CNGB1: variants seen among roughly 807,000 people sequenced by gnomAD.
The protein encoded by CNGB1 is cyclic nucleotide gated channel subunit beta 1.
In CNGB1, 126 loss-of-function variants were observed where a neutral mutation model predicts 151.7. The observed-to-expected ratio is 0.83, with a 90% CI of 0.72 to 0.96. The LOEUF is 0.96. Among genes scored for constraint, CNGB1 ranks in the 40% least tolerant of loss-of-function variants. The pLI is 0.00. For missense variants in CNGB1, 1,698 were observed against 1,627.0 expected, an observed-to-expected ratio of 1.04 and a Z score of -0.75; for synonymous variants, 623 against 635.1, an observed-to-expected ratio of 0.98 and a Z score of 0.29.
chr16:57,923,798 T>C (rs1173251902), intron 17 of CNGB1, among the ~76,000 whole-genome samples: 4 of 152,180 alleles, frequency 2.6e-5, no homozygotes, highest in South Asian at 4.2e-4. Flanking sequence ...TCCTGCTCCC[T>C]GTCTAAAGTC....
At chr16:57,947,873 C>A (rs1961847381) in intron 14 of CNGB1, among the ~76,000 whole-genome samples, 1 of 152,210 alleles carries the variant, frequency 6.6e-6, no homozygotes, top group African/African-American at 2.4e-5. Context: ...CTTTTATTAT[C>A]CCCCATTTTA....
At chr16:57,965,594 C>T (rs1165974745) in intron 2 of CNGB1, among the ~76,000 whole-genome samples, 2 of 152,124 alleles carry the variant, frequency 1.3e-5, no homozygotes, top group Non-Finnish European at 1.5e-5. Flanking sequence ...TATACATGAA[C>T]ATCCATGCAC....
chr16:57,940,076 C>A (rs1175837081), intron 15 of CNGB1, among the ~76,000 whole-genome samples, 158 bp downstream of exon 15: 1 of 152,240 alleles, frequency 6.6e-6, no homozygotes, highest in African/African-American at 2.4e-5. Context: ...TGACCCCTGC[C>A]AAGAGGGGGC....
At chr16:57,931,445 G>T (rs552607138) in intron 17 of CNGB1, among the ~76,000 whole-genome samples, 1 of 152,128 alleles carries the variant, frequency 6.6e-6, no homozygotes, top group Non-Finnish European at 1.5e-5. Context: ...AGTAGCCACC[G>T]TGCCTCGCTA....
chr16:57,893,561 G>T (rs1960150343), intron 31 of CNGB1, among the ~76,000 whole-genome samples: 1 of 152,086 alleles, frequency 6.6e-6, no homozygotes, highest in Non-Finnish European at 1.5e-5. Flanking sequence ...ACTTTGGGAG[G>T]CCAAGGCGGG....
At chr16:57,949,879 C>T (rs1182238229) in intron 13 of CNGB1, among the ~76,000 whole-genome samples, 2 of 152,226 alleles carry the variant, frequency 1.3e-5, no homozygotes, top group Non-Finnish European at 2.9e-5. Context: ...TAGAAATCTC[C>T]TGCAGACGTA....
chr16:57,943,463 A>C (rs546494065), intron 14 of CNGB1, among the ~76,000 whole-genome samples: 1 of 152,278 alleles, frequency 6.6e-6, no homozygotes, highest in Non-Finnish European at 1.5e-5. Flanking sequence ...TGAGGTCAGG[A>C]GTTCGAGACC....
In CNGB1 at chr16:57,938,086, G is replaced by A. The variant is rs1437516433; in HGVS notation, c.1372+1344C>T. Among the ~76,000 whole-genome samples the A allele has an allele frequency of 7.2e-5, 11 of 152,292 alleles. 1 individual carries two copies. Among genetic ancestry groups the A allele is most frequent in the South Asian group, 4.1e-4 (2 of 4,822 alleles). On this transcript the variant is annotated intron_variant, in intron 16 of 32. Coordinates refer to ENST00000251102, the MANE Select transcript of CNGB1 (RefSeq NM_001297.5). Reference sequence around the variant, plus strand: ...CATTTCTAACCAGCTCCTGGGTTACGCCAAAGCTGCTGGGTCTAGGTCCAT... The same window carrying A: ...CATTTCTAACCAGCTCCTGGGTTACACCAAAGCTGCTGGGTCTAGGTCCAT...
rs1476900501 is a variant in CNGB1 at position 57,884,032 on chromosome 16, A to G, written c.*132T>C. The G allele has an allele frequency of 3.0e-5, 40 of 1,325,128 alleles. No individual in the cohort carries two copies. In the Middle Eastern group the frequency reaches 1.1e-3, roughly 36 times the overall value. The allele number at this position is 1,325,128 out of a possible 1,614,324, so 82.1% of individuals were successfully genotyped here. ...TGGCGGGACGGTCAGAGCTGCAGCC[A>G]CTGAGGTCACGACTACGGAAAAGCA... On this transcript the variant is annotated 3_prime_UTR_variant, in exon 33 of 33. Coordinates refer to ENST00000251102, the MANE Select transcript of CNGB1 (RefSeq NM_001297.5).
At chr16:57,928,370 T>A (rs569817723) in intron 17 of CNGB1, among the ~76,000 whole-genome samples, 2 of 152,350 alleles carry the variant, frequency 1.3e-5, no homozygotes, top group East Asian at 3.9e-4. Flanking sequence ...AGGGGATTTG[T>A]TAAGTTCATT....
Position 57,912,986 on chromosome 16 carries a change from G to A in CNGB1, c.2313C>T (p.Ala771=), listed in dbSNP as rs1396526261. ...CCAGGCGGCTGTTAAACTCGAAGAAGGCCATGTACTGGAGGGAGAGGAGGG... is the reference window on the plus strand; with the variant it reads ...CCAGGCGGCTGTTAAACTCGAAGAAAGCCATGTACTGGAGGGAGAGGAGGG... The part of the protein sequence containing the change: ...LRLPRCLKYM[A]FFEFNSRLES... The change falls in exon 24 of 33, where the codon GCC becomes GCT. Residue 771 remains alanine (A), a synonymous_variant. Coordinates refer to ENST00000251102, the MANE Select transcript of CNGB1 (RefSeq NM_001297.5). 1.9e-6 allele frequency: 3 copies of A among 1,613,868 alleles called. No homozygotes were observed. Among genetic ancestry groups the A allele is most frequent in the Non-Finnish European group, 1.7e-6 (2 of 1,179,886 alleles).
chr16:57,896,133 G>C (rs1960218294), intron 31 of CNGB1, among the ~76,000 whole-genome samples: 1 of 152,070 alleles, frequency 6.6e-6, no homozygotes, highest in Non-Finnish European at 1.5e-5. Context: ...AAAAGCAGTG[G>C]GTAAAAGTTT....
chr16:57,888,919 T>C (rs1231145485), intron 31 of CNGB1, among the ~76,000 whole-genome samples: 1 of 152,198 alleles, frequency 6.6e-6, no homozygotes, highest in African/African-American at 2.4e-5. Flanking sequence ...CAGCATTTAC[T>C]GAGTGTCTGT....
chr16:57,925,765 G>A (rs2149369150), intron 17 of CNGB1, among the ~76,000 whole-genome samples: 1 of 152,132 alleles, frequency 6.6e-6, no homozygotes, highest in African/African-American at 2.4e-5. Context: ...TCAGCTCACT[G>A]CAACCTCTGC....
In CNGB1 at chr16:57,897,379, G is replaced by A. The variant is rs1049954541; in HGVS notation, c.3242+18C>T. ...TGTCCTTAGCAATTTTTTATTAAAC[G>A]AAAGAAAAGTTACATACCTGGCTTT... On this transcript the variant is annotated intron_variant, in intron 31 of 32. Coordinates refer to ENST00000251102, the MANE Select transcript of CNGB1 (RefSeq NM_001297.5). 18 of 1,612,190 alleles carry A rather than the reference G, an allele frequency of 1.1e-5. No individual in the cohort carries two copies. Among genetic ancestry groups the A allele is most frequent in the Non-Finnish European group, 1.4e-5 (17 of 1,179,076 alleles).
In CNGB1 at chr16:57,939,547, C is replaced by T; in HGVS notation, c.1255G>A (p.Glu419Lys). The T allele has an allele frequency of 2.5e-6, 4 of 1,614,176 alleles. No homozygotes were observed. The highest frequency in any genetic ancestry group is 3.4e-6 in the Non-Finnish European group (4 of 1,180,014). The change falls in exon 16 of 33, where the codon GAG becomes AAG. Residue 419 changes from glutamate (E) to lysine (K), a missense_variant. By Grantham distance (56) the Glu-to-Lys change is moderately conservative. Transcript: ENST00000251102. ...TCCTCGGCCTCCTCCTTGGCCTTCT[C>T]TTCAGCCTCCTTCTTGGCCTCCTCC... Reference protein sequence around the residue: ...VGEEAKKEAEEKAKEEAEEVA... With the variant: ...VGEEAKKEAEKKAKEEAEEVA...
intron 25 of CNGB1, among the ~76,000 whole-genome samples, chr16:57,905,662 C>T (rs527678999): frequency 3.9e-5 from 6 of 152,360 alleles, no homozygotes; most frequent in Admixed American, 1.3e-4. Context: ...GTTTAGGCTG[C>T]GAGGGCTTTG....
At chr16:57,965,814 T>A (rs567722813) in intron 2 of CNGB1, among the ~76,000 whole-genome samples, 1 of 152,288 alleles carries the variant, frequency 6.6e-6, no homozygotes, top group African/African-American at 2.4e-5. Context: ...CATAAACATA[T>A]GTGCAAACAC....
In CNGB1 at chr16:57,917,351, C is replaced by T. The variant is rs1262854071; in HGVS notation, c.2083G>A (p.Asp695Asn). Residue 695 changes from aspartate to asparagine, a missense_variant, in exon 21 of 33, where the codon GAT (aspartate) becomes AAT (asparagine). Physicochemically the swap from Asp to Asn is conservative, Grantham distance 23. Coordinates refer to ENST00000251102, the MANE Select transcript of CNGB1 (RefSeq NM_001297.5). ...AAGTAGATGAGGTCGCATAGGTAAT[C>T]CATCAGCAGCCAGTGGTGGATGTTG... ...PDNIHHWLLM[D>N]YLCDLIYFLD... 1 of 1,614,126 alleles carries T rather than the reference C, an allele frequency of 6.2e-7. No individual in the cohort carries two copies. Among genetic ancestry groups the T allele is most frequent in the Non-Finnish European group, 8.5e-7 (1 of 1,180,034 alleles).
Sources: gnomAD v4.1 joint callset for allele counts (sites outside exome capture counted in the v4.1 genomes callset) on GRCh38, gnomAD v4.1.1 for gene constraint, MANE v1.5 for transcripts, NCBI Gene and HGNC (gene_info 2026-07-23, HGNC 2026-07-21) for gene names.